PCDH11X: variants seen among roughly 807,000 people sequenced by gnomAD.
The protein encoded by PCDH11X is protocadherin 11 X-linked.
Under a neutral mutation model 53.3 loss-of-function variants are expected in PCDH11X, and 18 were observed. That is an observed-to-expected ratio of 0.34 (90% CI 0.23 to 0.50). The LOEUF is 0.50. Ranked by LOEUF, PCDH11X falls within the 20% of genes least tolerant of loss-of-function variation. PCDH11X has a pLI of 0.98. For synonymous variants in PCDH11X, 279 were observed against 393.3 expected (o/e 0.71, Z 3.44); for missense variants, 570 against 1,032.4 (o/e 0.55, Z 6.14).
intron 8 of PCDH11X, among the ~76,000 whole-genome samples, chrX:92,330,401 C>T (rs908780991): frequency 9.9e-5 from 11 of 110,793 alleles, no homozygotes; most frequent in Non-Finnish European, 2.1e-4. Context: ...ATTTAGAATA[C>T]TTAAAATTAA....
intron 8 of PCDH11X, among the ~76,000 whole-genome samples, chrX:92,287,547 A>G (rs1190199059): frequency 9.0e-6 from 1 of 111,722 alleles, no homozygotes; most frequent in Non-Finnish European, 1.9e-5. Flanking sequence ...TAATGTGCTC[A>G]TTCAATCAAC....
intron 6 of PCDH11X, among the ~76,000 whole-genome samples, chrX:92,155,576 G>T (rs2065514533): frequency 1.1e-5 from 1 of 94,715 alleles, no homozygotes; most frequent in Non-Finnish European, 2.1e-5. Flanking sequence ...TACCACTCTG[G>T]TCCAAGCCTC....
chrX:92,529,091 T>C (rs1174619047), intron 10 of PCDH11X, among the ~76,000 whole-genome samples: 2 of 111,648 alleles, frequency 1.8e-5, no homozygotes, highest in African/African-American at 3.3e-5. Flanking sequence ...TGTGGAAAGT[T>C]GCCATTTTTA....
Position 92,396,536 on chromosome X carries a change from T to C in PCDH11X, c.3343+8603T>C, listed in dbSNP as rs747884530. Among the ~76,000 whole-genome samples the C allele has an allele frequency of 6.0e-5, 6 of 99,824 alleles. No individual in the cohort carries two copies. In the South Asian group the frequency reaches 2.4e-3, roughly 40 times the overall value. The allele number at this position is 99,824 out of a possible 115,157, so 86.7% of individuals were successfully genotyped here. ...AGGATAACTTTTATAGTTATATAAA[T>C]GTCCTATAAAAGTTATCCTGCTTTT... is the stretch of plus-strand genomic sequence containing the variant. On this transcript the variant is annotated intron_variant, in intron 9 of 10. Transcript: ENST00000682573.
intron 4 of PCDH11X, among the ~76,000 whole-genome samples, chrX:91,818,732 A>G (rs1223236659): frequency 1.8e-5 from 2 of 110,091 alleles, no homozygotes; most frequent in Non-Finnish European, 3.8e-5. Context: ...ATGGAAGGCA[A>G]TGAAAGTTCT....
chrX:92,363,037 C>A (rs1003787773), intron 8 of PCDH11X, among the ~76,000 whole-genome samples: 1 of 110,706 alleles, frequency 9.0e-6, no homozygotes, highest in Admixed American at 9.7e-5. Flanking sequence ...TAGTACCATA[C>A]CATTTTGATT....
chrX:92,579,503 CAA>C (rs756735907), intron 10 of PCDH11X, among the ~76,000 whole-genome samples: 1 of 110,785 alleles, frequency 9.0e-6, no homozygotes, highest in Non-Finnish European at 1.9e-5. Context: ...AGATAATCTT[CAA>C]ACTCTATATC....
intron 1 of PCDH11X, among the ~76,000 whole-genome samples, chrX:91,787,679 G>C (rs964586558): frequency 9.0e-6 from 1 of 110,505 alleles, no homozygotes; most frequent in African/African-American, 3.3e-5. Context: ...GGCTCTGCAC[G>C]TATTATCAAT....
intron 1 of PCDH11X, among the ~76,000 whole-genome samples, chrX:91,801,052 C>T (rs1409637953): frequency 3.8e-5 from 4 of 105,414 alleles, no homozygotes; most frequent in Admixed American, 2.1e-4. Context: ...TGGTGGCATG[C>T]GGCTGTAGAC....
In PCDH11X at chrX:92,344,006, C is replaced by A. The variant is rs189047716; in HGVS notation, c.3145-43729C>A. On this transcript the variant is annotated intron_variant, in intron 8 of 10. Transcript: ENST00000682573. ...CTGTCTCCTAAGTTCTTTGGGTCCT[C>A]AAGTTTTGGCACATTATTCTATATA... Among the ~76,000 whole-genome samples the A allele has an allele frequency of 7.6e-3, 830 of 109,125 alleles. 9 individuals carry two copies. The highest frequency in any genetic ancestry group is 0.027 in the African/African-American group (800 of 30,073). 94.8% of individuals were successfully genotyped at this position (109,125 alleles called of 115,157 possible).
intron 6 of PCDH11X, among the ~76,000 whole-genome samples, chrX:92,013,187 C>T (rs748899342): frequency 1.8e-5 from 2 of 111,722 alleles, no homozygotes; most frequent in Admixed American, 9.5e-5. Flanking sequence ...AGCAAAGTCT[C>T]GGGATACAAA....
At chrX:92,547,238 C>A (rs1569503257) in intron 10 of PCDH11X, among the ~76,000 whole-genome samples, 2 of 105,958 alleles carry the variant, frequency 1.9e-5, no homozygotes, top group Admixed American at 1.0e-4. Context: ...TGATTGATTT[C>A]TCTATTGGCT....
chrX:92,419,508 C>A (rs1168246823), intron 9 of PCDH11X, among the ~76,000 whole-genome samples: 1 of 106,734 alleles, frequency 9.4e-6, no homozygotes, highest in African/African-American at 3.4e-5. Flanking sequence ...TTTTTTGTTT[C>A]ATTTTGTTTT....
chrX:92,573,271 G>A (rs778334446), intron 10 of PCDH11X, among the ~76,000 whole-genome samples: 2 of 111,569 alleles, frequency 1.8e-5, no homozygotes, highest in African/African-American at 6.5e-5. Flanking sequence ...TTCTTTTCAA[G>A]AAAGAAAAAC....
At chrX:91,892,012 GGTGTGTGTGTGTGTGTGT>G (rs367707799) in intron 6 of PCDH11X, among the ~76,000 whole-genome samples, 1 of 83,082 alleles carries the variant, frequency 1.2e-5, no homozygotes, top group Admixed American at 1.7e-4. Context: ...TAATTAGAGG[GGTGTGTGTGTGTGTGTGT>G]GTGTGTGTGT....
intron 7 of PCDH11X, among the ~76,000 whole-genome samples, chrX:92,247,530 G>A (rs1027806003): frequency 5.4e-5 from 6 of 111,571 alleles, no homozygotes; most frequent in African/African-American, 2.0e-4. Context: ...TAGTTCTGCA[G>A]GCTAGAAGTC....
At chrX:91,888,137 A>G (rs1409439693) in intron 6 of PCDH11X, among the ~76,000 whole-genome samples, 1 of 111,890 alleles carries the variant, frequency 8.9e-6, no homozygotes. Context: ...AATATATCCA[A>G]TTAATAATAA....
chrX:92,007,860 C>T (rs1037438053), intron 6 of PCDH11X, among the ~76,000 whole-genome samples: 7 of 110,949 alleles, frequency 6.3e-5, no homozygotes, highest in African/African-American at 1.6e-4. Flanking sequence ...AGTTAGCAGA[C>T]GATAAAAGCT....
intron 8 of PCDH11X, among the ~76,000 whole-genome samples, chrX:92,372,963 T>A (rs1269436949): frequency 9.0e-6 from 1 of 111,477 alleles, no homozygotes; most frequent in African/African-American, 3.3e-5. Flanking sequence ...GGTATGTCAA[T>A]CAAATGAATT....
Sources: gnomAD v4.1 joint callset for allele counts (sites outside exome capture counted in the v4.1 genomes callset) on GRCh38, gnomAD v4.1.1 for gene constraint, MANE v1.5 for transcripts, NCBI Gene and HGNC (gene_info 2026-07-23, HGNC 2026-07-21) for gene names.